Variants in ANO1 observed in about 807,000 individuals in gnomAD.
ANO1 encodes the protein anoctamin 1, also known as anoctamin-1.
In ANO1, 59 loss-of-function variants were observed where a neutral mutation model predicts 124.0. The observed-to-expected ratio is 0.48, with a 90% CI of 0.39 to 0.59. The LOEUF (loss-of-function observed/expected upper bound fraction) is 0.59, where lower values mean the gene tolerates loss of function less well. ANO1 is among the 20% of genes least tolerant of loss of function. The pLI is 0.00. For missense variants in ANO1, 1,059 were observed against 1,328.0 expected, an observed-to-expected ratio of 0.80 and a Z score of 3.15; for synonymous variants, 529 against 532.0, an observed-to-expected ratio of 0.99 and a Z score of 0.08.
intron 20 of ANO1, among the ~76,000 whole-genome samples, chr11:70,166,384 G>A (rs1163485995): frequency 6.6e-6 from 1 of 152,198 alleles, no homozygotes; most frequent in African/African-American, 2.4e-5. Context: ...GAAGGAGGGA[G>A]AGGAAGTCAG....
At chr11:70,139,513 G>A (rs1306794627) in intron 11 of ANO1, among the ~76,000 whole-genome samples, 2 of 151,946 alleles carry the variant, frequency 1.3e-5, no homozygotes, top group Admixed American at 6.6e-5. Flanking sequence ...CAGGAGAGAC[G>A]GAGTTTCACC....
At chr11:70,043,941 C>G (rs1857218850) in intron 1 of ANO1, among the ~76,000 whole-genome samples, 1 of 151,960 alleles carries the variant, frequency 6.6e-6, no homozygotes, top group Admixed American at 6.6e-5. Context: ...AACGTTTTCT[C>G]AATTTTAATC....
At chr11:70,155,147 C>A (rs940856457) in intron 14 of ANO1, among the ~76,000 whole-genome samples, 21 of 152,340 alleles carry the variant, frequency 1.4e-4, no homozygotes, top group Admixed American at 1.2e-3. Flanking sequence ...GTATTTAATT[C>A]CTTCCTAAGG....
intron 16 of ANO1, among the ~76,000 whole-genome samples, chr11:70,157,979 C>CAAAAAAA (rs548012147): frequency 1.3e-5 from 1 of 74,292 alleles, no homozygotes. Flanking sequence ...GACCCTGTCT[C>CAAAAAAA]AAAAAAAAAA....
At chr11:70,023,004 G>A (rs1482923736) in intron 1 of ANO1, among the ~76,000 whole-genome samples, 39 of 152,208 alleles carry the variant, frequency 2.6e-4, no homozygotes, top group Admixed American at 2.6e-3. Context: ...CACAAGGCAA[G>A]GACTGCAGGT....
At chr11:70,049,215 G>C (rs782600651) in intron 1 of ANO1, among the ~76,000 whole-genome samples, 61 of 152,200 alleles carry the variant, frequency 4.0e-4, no homozygotes, top group Admixed American at 9.8e-4. Context: ...CACCACCAGC[G>C]CTTCTCAATG....
intron 11 of ANO1, among the ~76,000 whole-genome samples, chr11:70,135,817 C>T (rs1387470531): frequency 2.6e-5 from 4 of 152,358 alleles, no homozygotes; most frequent in Non-Finnish European, 4.4e-5. Flanking sequence ...CTTAACACGC[C>T]GGGCGATAAG....
At chr11:70,179,538 A>G (rs1199037518) in intron 22 of ANO1, among the ~76,000 whole-genome samples, 1 of 152,198 alleles carries the variant, frequency 6.6e-6, no homozygotes, top group African/African-American at 2.4e-5. Context: ...TTCAACCTTC[A>G]CTGCTGTGGA....
chr11:70,157,092 C>A, intron 16 of ANO1, 71 bp downstream of exon 16: 1 of 1,415,218 alleles, frequency 7.1e-7, no homozygotes, highest in Non-Finnish European at 9.8e-7. Context: ...TTCAGCCGGG[C>A]GTGGTGGTTC....
intron 1 of ANO1, among the ~76,000 whole-genome samples, chr11:69,988,629 G>A (rs1177336570): frequency 6.6e-6 from 1 of 152,142 alleles, no homozygotes; most frequent in African/African-American, 2.4e-5. Context: ...ACTCTCCCAG[G>A]GAGCAATTGA....
intron 1 of ANO1, among the ~76,000 whole-genome samples, chr11:70,082,184 C>G (rs1032717934): frequency 1.3e-5 from 2 of 152,062 alleles, no homozygotes; most frequent in Admixed American, 6.6e-5. Flanking sequence ...TATACAAGAC[C>G]CAGCCTCTGT....
chr11:70,035,834 T>C (rs529844473), intron 1 of ANO1, among the ~76,000 whole-genome samples: 1 of 152,270 alleles, frequency 6.6e-6, no homozygotes, highest in Non-Finnish European at 1.5e-5. Flanking sequence ...TTCATCCATG[T>C]CCCTGCAAAG....
chr11:70,010,181 A>ATGTG lies in ANO1; in HGVS notation c.58+24016_58+24017insGTGT, dbSNP rs1287857780. On this transcript the variant is annotated intron_variant, in intron 1 of 27. Transcript: ENST00000531349. ...TGTGTGTGTGCGCGTGTGTGTGTGT[A>ATGTG]TATATATATATATATATCACATTTT... 9.7e-5 allele frequency among the ~76,000 whole-genome samples: 5 copies of ATGTG among 51,660 alleles called. 1 individual carries two copies. The East Asian group carries it at 1.7e-3, about 17-fold the overall frequency. The allele number at this position is 51,660 out of a possible 152,430, so 33.9% of individuals were successfully genotyped here. A position where few individuals can be genotyped will look rare whatever the true frequency, so the allele number is the denominator to read the frequency against.
At chr11:70,097,526 G>A (rs542916817) in intron 2 of ANO1, among the ~76,000 whole-genome samples, 63 of 152,332 alleles carry the variant, frequency 4.1e-4, no homozygotes, top group Middle Eastern at 6.8e-3. Flanking sequence ...TTGCCCGCGT[G>A]CCCTCTGGAG....
At chr11:70,127,356 AC>A (rs1315826785) in intron 10 of ANO1, among the ~76,000 whole-genome samples, 1 of 152,184 alleles carries the variant, frequency 6.6e-6, no homozygotes, top group Non-Finnish European at 1.5e-5. Flanking sequence ...TTCTGCAGGA[AC>A]TGTTCCATAA....
chr11:70,087,703 C>T, intron 1 of ANO1, 49 bp from the exon 2 acceptor site: 2 of 1,494,476 alleles, frequency 1.3e-6, no homozygotes, highest in Non-Finnish European at 1.8e-6. Context: ...TCCAAAGGCC[C>T]ATCACGAGCA....
At chr11:70,186,462 C>T (rs567201021) in intron 25 of ANO1, among the ~76,000 whole-genome samples, 2 of 152,224 alleles carry the variant, frequency 1.3e-5, no homozygotes, top group East Asian at 3.9e-4. Context: ...TCTGTGGTAG[C>T]AGGCAGAGTC....
intron 1 of ANO1, among the ~76,000 whole-genome samples, chr11:70,007,043 C>T (rs886176133): frequency 5.9e-5 from 9 of 152,140 alleles, no homozygotes; most frequent in African/African-American, 2.2e-4. Flanking sequence ...ACTGTATGCA[C>T]ATGATGCTGT....
At chr11:70,079,366 G>A (rs11233163) in intron 1 of ANO1, among the ~76,000 whole-genome samples, 3 of 151,842 alleles carry the variant, frequency 2.0e-5, no homozygotes, top group African/African-American at 7.2e-5. Flanking sequence ...TCCCCTGGGC[G>A]CCCAGGCCTG....
Sources: gnomAD v4.1 joint callset for allele counts (sites outside exome capture counted in the v4.1 genomes callset) on GRCh38, gnomAD v4.1.1 for gene constraint, MANE v1.5 for transcripts, NCBI Gene and HGNC (gene_info 2026-07-23, HGNC 2026-07-21) for gene names.